XIST: variants seen among roughly 807,000 people sequenced by gnomAD.
XIST encodes X inactive specific transcript, also known as X inactive specific transcript (non-protein coding).
At chrX:73,842,912 C>G in exon 1 of XIST, 1 of 558,357 alleles carries the variant, frequency 1.8e-6, no homozygotes, top group African/African-American at 2.2e-5. Context: ...GCCAAGGGCA[C>G]ACAAGGGGCA....
chrX:73,850,149 A>C, exon 1 of XIST: 1 of 558,151 alleles, frequency 1.8e-6, no homozygotes, highest in Non-Finnish European at 3.2e-6. Flanking sequence ...ACATTAGGTC[A>C]TGAAGTTAAA....
exon 1 of XIST, chrX:73,847,962 C>T: frequency 1.8e-6 from 1 of 558,996 alleles, no homozygotes; most frequent in East Asian, 3.2e-5. Flanking sequence ...TGATCAGTTG[C>T]CATGGTTCAC....
exon 6 of XIST, chrX:73,824,174 T>C (rs1603360192): frequency 3.9e-6 from 2 of 516,636 alleles, no homozygotes; most frequent in Non-Finnish European, 7.0e-6. Context: ...ACAATAAAGA[T>C]GGTTTATCTT....
At chrX:73,850,047 C>T in exon 1 of XIST, 1 of 558,785 alleles carries the variant, frequency 1.8e-6, no homozygotes, top group East Asian at 3.2e-5. Flanking sequence ...AGTTTCCTGT[C>T]TGATAAGTAG....
exon 1 of XIST, chrX:73,849,827 G>T: frequency 2.0e-6 from 1 of 506,419 alleles, no homozygotes; most frequent in Non-Finnish European, 3.5e-6. Context: ...TGAGGAACTA[G>T]GACTGGGACT....
At chrX:73,824,484 C>T in exon 6 of XIST, 1 of 557,465 alleles carries the variant, frequency 1.8e-6, no homozygotes, top group Non-Finnish European at 3.2e-6. Flanking sequence ...TTTTCAGTGC[C>T]TTTAACAGTG....
At chrX:73,846,231 G>A (rs368221606) in exon 1 of XIST, 62 of 557,782 alleles carry the variant, frequency 1.1e-4, no homozygotes, top group Admixed American at 4.9e-4. Context: ...TGCAAAAGGG[G>A]TCTGAGAGTA....
At chrX:73,852,144 C>CA (rs772748502) in exon 1 of XIST, 1 of 514,330 alleles carries the variant, frequency 1.9e-6, no homozygotes, top group South Asian at 2.6e-5. Context: ...CCCGATGGGC[C>CA]AAAAAAAGAA....
chrX:73,825,883 A>G (rs2147696486), exon 6 of XIST: 1 of 557,432 alleles, frequency 1.8e-6, no homozygotes, highest in South Asian at 2.2e-5. Flanking sequence ...AAACAGGAAG[A>G]AAAAAATCAA....
chrX:73,840,769 T>C (rs1922572577), intron 1 of XIST, among the ~76,000 whole-genome samples: 1 of 111,805 alleles, frequency 8.9e-6, no homozygotes, highest in South Asian at 3.7e-4. Flanking sequence ...GATTTAGCAA[T>C]CACTAATTTG....
At chrX:73,852,124 T>C in exon 1 of XIST, 1 of 498,435 alleles carries the variant, frequency 2.0e-6, no homozygotes, top group Non-Finnish European at 3.5e-6. Flanking sequence ...AAAAAGCAGG[T>C]ATCCGAAGCC....
chrX:73,840,149 T>C (rs1272356674), intron 1 of XIST, among the ~76,000 whole-genome samples: 1 of 111,703 alleles, frequency 9.0e-6, no homozygotes, highest in Non-Finnish European at 1.9e-5. Context: ...CAAAACACAT[T>C]TTTTTAGGAT....
chrX:73,845,856 C>T, exon 1 of XIST: 1 of 552,759 alleles, frequency 1.8e-6, no homozygotes, highest in Non-Finnish European at 3.2e-6. Flanking sequence ...GTCTAATACA[C>T]AGGAACCCAG....
chrX:73,851,960 A>C (rs1167215480), exon 1 of XIST: 1 of 558,340 alleles, frequency 1.8e-6, no homozygotes, highest in Admixed American at 2.2e-5. Context: ...AGAGTGCAAC[A>C]ACCCACAAAA....
chrX:73,839,324 T>C (rs1204811666), intron 1 of XIST, among the ~76,000 whole-genome samples: 1 of 111,507 alleles, frequency 9.0e-6, no homozygotes, highest in Non-Finnish European at 1.9e-5. Flanking sequence ...TAAGGTTTTA[T>C]AAAGGGAAAA....
At chrX:73,843,185 C>T (rs1569512310) in exon 1 of XIST, 1 of 558,359 alleles carries the variant, frequency 1.8e-6, no homozygotes. Flanking sequence ...GAGTAGTCAG[C>T]AGCCCCTGCA....
At chrX:73,823,207 A>AGTC (rs1922164962) in exon 6 of XIST, 1 of 540,630 alleles carries the variant, frequency 1.8e-6, no homozygotes, top group African/African-American at 2.3e-5. Flanking sequence ...CCCTTTTATC[A>AGTC]GTCTCCTGGC....
exon 6 of XIST, chrX:73,827,408 A>G (rs369143730): frequency 1.8e-6 from 1 of 553,225 alleles, no homozygotes; most frequent in Non-Finnish European, 3.3e-6. Context: ...GTGAGTAGAA[A>G]GGGAAGAAGC....
chrX:73,821,476 C>T (rs762910223), exon 6 of XIST: 87 of 555,100 alleles, frequency 1.6e-4, no homozygotes, highest in Middle Eastern at 6.1e-4. Context: ...AGTTGATAAG[C>T]ACTTGGACAA....
Sources: gnomAD v4.1 joint callset for allele counts (sites outside exome capture counted in the v4.1 genomes callset) on GRCh38, gnomAD v4.1.1 for gene constraint, MANE v1.5 for transcripts, NCBI Gene and HGNC (gene_info 2026-07-23, HGNC 2026-07-21) for gene names.